B4GALT6: variants seen among roughly 807,000 people sequenced by gnomAD.
The protein encoded by B4GALT6 is UDP-Gal:beta-GlcNAc beta-1,4-galactosyltransferase 6.
In B4GALT6, 14 loss-of-function variants were observed where a neutral mutation model predicts 46.3. The ratio of observed to expected loss-of-function variants is 0.30; its 90% CI spans 0.20 to 0.47. The LOEUF (loss-of-function observed/expected upper bound fraction) is 0.47. Among genes scored for constraint, B4GALT6 ranks in the 20% least tolerant of loss-of-function variants. B4GALT6 has a pLI of 0.99. For missense variants in B4GALT6, 386 were observed against 480.1 expected (o/e 0.80, Z 1.83); for synonymous variants, 168 against 162.0 (o/e 1.04, Z -0.28).
the B4GALT6 span, among the ~76,000 whole-genome samples, chr18:31,707,125 A>G: frequency 9.3e-4 from 142 of 152,312 alleles, no homozygotes; most frequent in African/African-American, 3.0e-3. Flanking sequence ...CCTTGCAAAT[A>G]AAAGTATGGT....
At chr18:31,717,935 A>C in the B4GALT6 span, among the ~76,000 whole-genome samples, 1 of 149,206 alleles carries the variant, frequency 6.7e-6, no homozygotes, top group African/African-American at 2.5e-5. Flanking sequence ...GCTAGGGCAA[A>C]AAGAGCGAAA....
Position 31,657,984 on chromosome 18 carries a change from G to A in B4GALT6, c.338C>T (p.Pro113Leu), listed in dbSNP as rs746319501. 1.9e-6 allele frequency: 3 copies of A among 1,611,680 alleles called. No individual in the cohort carries two copies. Among genetic ancestry groups the A allele is most frequent in the Non-Finnish European group, 2.5e-6 (3 of 1,178,208 alleles). ...SPYLPCPEKLPYMRGFLNVNV... is the reference protein window; with the variant it reads ...SPYLPCPEKLLYMRGFLNVNV... The stretch of plus-strand genomic sequence containing the variant: ...ATTAGATGACGACTTACGCATATAA[G>A]GCAGCTTTTCTGGACAGGGGAGGTA... Residue 113 changes from proline (P) to leucine (L), a missense_variant, in exon 3 of 9, where the codon CCT (proline) becomes CTT (leucine). By Grantham distance (98) the Pro-to-Leu change is moderately conservative. Coordinates refer to ENST00000306851, the MANE Select transcript of B4GALT6 (RefSeq NM_004775.5).
At chr18:31,701,183 T>A in the B4GALT6 span, among the ~76,000 whole-genome samples, 1 of 152,172 alleles carries the variant, frequency 6.6e-6, no homozygotes, top group Non-Finnish European at 1.5e-5. Context: ...GGGACAGAGT[T>A]CTCATGAGTG....
upstream of B4GALT6, among the ~76,000 whole-genome samples, chr18:31,689,650 A>G (rs2030042310): frequency 6.6e-6 from 1 of 152,246 alleles, no homozygotes; most frequent in African/African-American, 2.4e-5. Context: ...AGGCTGAGGC[A>G]GGAGAATTGC....
At chr18:31,682,495 A>G (rs1015239379) in intron 1 of B4GALT6, among the ~76,000 whole-genome samples, 1 of 152,220 alleles carries the variant, frequency 6.6e-6, no homozygotes, top group Admixed American at 6.5e-5. Flanking sequence ...ACATTTTTAC[A>G]TTATATCAGT....
the B4GALT6 span, among the ~76,000 whole-genome samples, chr18:31,717,051 G>A: frequency 1.1e-4 from 16 of 151,862 alleles, no homozygotes; most frequent in East Asian, 5.8e-4. Flanking sequence ...TGCAGTGAGC[G>A]GATATCGTGC....
chr18:31,724,100 T>C, the B4GALT6 span: 1 of 293,746 alleles, frequency 3.4e-6, no homozygotes, highest in African/African-American at 2.2e-5. Context: ...GGGATAAGAT[T>C]GCCCTGGTGA....
At chr18:31,632,977 G>A (rs912676323) in intron 5 of B4GALT6, among the ~76,000 whole-genome samples, 7 of 151,932 alleles carry the variant, frequency 4.6e-5, no homozygotes, top group South Asian at 2.1e-4. Context: ...AATCACCTAC[G>A]CCTTTTCCTT....
the B4GALT6 span, among the ~76,000 whole-genome samples, chr18:31,697,611 G>A: frequency 6.6e-6 from 1 of 152,136 alleles, no homozygotes; most frequent in Admixed American, 6.5e-5. Context: ...TTGCTTTAAA[G>A]TTAAACTACA....
intron 1 of B4GALT6, among the ~76,000 whole-genome samples, chr18:31,679,809 T>C (rs1490199601): frequency 2.0e-5 from 3 of 152,176 alleles, no homozygotes; most frequent in South Asian, 2.1e-4. Flanking sequence ...TCCCTATTAA[T>C]AGCTACCTGA....
chr18:31,624,268 T>C lies in B4GALT6; in HGVS notation c.*1346A>G, dbSNP rs1218361397. 2.0e-5 allele frequency: 3 copies of C among 152,036 alleles called. No homozygotes were observed. The highest frequency in any genetic ancestry group is 2.0e-4 in the Admixed American group (3 of 15,272). The allele number at this position is 152,036 out of a possible 1,614,324, so 9.4% of individuals were successfully genotyped here. Reference sequence around the variant, plus strand: ...ATCACGTATTTTAAGACAATGCTATTAAATTATGCTTTTAGATACTACATA... The same window carrying C: ...ATCACGTATTTTAAGACAATGCTATCAAATTATGCTTTTAGATACTACATA... On this transcript the variant is annotated 3_prime_UTR_variant, in exon 9 of 9. Transcript: ENST00000306851.
At chr18:31,648,946 C>A (rs545787918) in intron 3 of B4GALT6, among the ~76,000 whole-genome samples, 1 of 152,060 alleles carries the variant, frequency 6.6e-6, no homozygotes, top group Admixed American at 6.5e-5. Context: ...GTCTGTTTTA[C>A]CCTCAGGGTT....
At chr18:31,686,223 A>C (rs920445757), upstream of B4GALT6, 5 of 152,164 alleles carry the variant, frequency 3.3e-5, no homozygotes, top group African/African-American at 9.7e-5. Context: ...GAGTATTTCC[A>C]GATGGAACTG....
At chr18:31,685,184 G>A (rs2144766694), upstream of B4GALT6, among the ~76,000 whole-genome samples, 1 of 149,516 alleles carries the variant, frequency 6.7e-6, no homozygotes, top group Admixed American at 6.6e-5. Flanking sequence ...GACTCCGGCC[G>A]CCGCCAGCTG....
chr18:31,673,656 A>G (rs2074382891), intron 1 of B4GALT6, among the ~76,000 whole-genome samples: 1 of 152,240 alleles, frequency 6.6e-6, no homozygotes, highest in Non-Finnish European at 1.5e-5. Flanking sequence ...AAGTCCACAT[A>G]TAAATATATG....
chr18:31,635,781 G>A (rs1453430501), intron 5 of B4GALT6, among the ~76,000 whole-genome samples: 6 of 152,108 alleles, frequency 3.9e-5, no homozygotes, highest in East Asian at 1.9e-4. Flanking sequence ...TCGTGCTATC[G>A]CACTCCAGCC....
At chr18:31,665,727 G>C (rs2074274784) in intron 2 of B4GALT6, among the ~76,000 whole-genome samples, 3 of 152,136 alleles carry the variant, frequency 2.0e-5, no homozygotes, top group Admixed American at 2.0e-4. Context: ...GGGCAACAGA[G>C]CGAGACTCTG....
the B4GALT6 span, among the ~76,000 whole-genome samples, chr18:31,716,131 A>T: frequency 6.6e-6 from 1 of 152,182 alleles, no homozygotes; most frequent in Non-Finnish European, 1.5e-5. Flanking sequence ...AGGGGATGGC[A>T]ATGATGAGGG....
At chr18:31,708,358 A>T in the B4GALT6 span, among the ~76,000 whole-genome samples, 1 of 152,198 alleles carries the variant, frequency 6.6e-6, no homozygotes, top group Non-Finnish European at 1.5e-5. Flanking sequence ...TGAGGCCAGG[A>T]GTTCAAGACC....
Sources: gnomAD v4.1 joint callset for allele counts (sites outside exome capture counted in the v4.1 genomes callset) on GRCh38, gnomAD v4.1.1 for gene constraint, MANE v1.5 for transcripts, NCBI Gene and HGNC (gene_info 2026-07-23, HGNC 2026-07-21) for gene names.